COA1: variants seen among roughly 807,000 people sequenced by gnomAD.
The protein encoded by COA1 is cytochrome c oxidase assembly factor 1.
Under a neutral mutation model 16.0 loss-of-function variants are expected in COA1, and 13 were observed. The observed-to-expected ratio is 0.81, with a 90% CI of 0.53 to 1.29. The LOEUF is 1.29. COA1 is among the 50% of genes most tolerant of loss of function. The pLI is 0.00. For missense variants in COA1, 179 were observed against 177.0 expected (o/e 1.01, Z -0.06); for synonymous variants, 65 against 65.7 (o/e 0.99, Z 0.05).
At chr7:43,716,745 C>T (rs1563472134) in intron 1 of COA1, among the ~76,000 whole-genome samples, 1 of 152,146 alleles carries the variant, frequency 6.6e-6, no homozygotes, top group Admixed American at 6.5e-5. Flanking sequence ...GAGACTTTCA[C>T]GGCAGCCCCT....
intron 1 of COA1, among the ~76,000 whole-genome samples, chr7:43,681,720 G>C (rs906595524): frequency 2.0e-5 from 3 of 152,154 alleles, no homozygotes; most frequent in Admixed American, 6.5e-5. Flanking sequence ...GTACTAAGCA[G>C]GCAGTACAAC....
chr7:43,626,645 TAGGG>T (rs1213419040), intron 6 of COA1: 1 of 152,054 alleles, frequency 6.6e-6, no homozygotes, highest in South Asian at 2.1e-4. Flanking sequence ...TCTGAAAAAA[TAGGG>T]AGGAGGTGAC....
intron 6 of COA1, among the ~76,000 whole-genome samples, chr7:43,627,526 A>T (rs2153032841): frequency 6.6e-6 from 1 of 152,312 alleles, no homozygotes; most frequent in East Asian, 1.9e-4. Context: ...TAGATAGGAG[A>T]AAGATGACTA....
intron 1 of COA1, among the ~76,000 whole-genome samples, chr7:43,684,698 G>A (rs528701060): frequency 6.6e-6 from 1 of 152,238 alleles, no homozygotes; most frequent in African/African-American, 2.4e-5. Context: ...CCATCTTATA[G>A]CAAAGATTCA....
chr7:43,638,295 T>C (rs906604065), downstream of COA1, among the ~76,000 whole-genome samples: 1 of 152,006 alleles, frequency 6.6e-6, no homozygotes, highest in African/African-American at 2.4e-5. Flanking sequence ...AGCTCATGGC[T>C]GTCCTTCATT....
chr7:43,640,498 G>T, intron 5 of COA1, 75 bp downstream of exon 5: 1 of 1,028,716 alleles, frequency 9.7e-7, no homozygotes, highest in Non-Finnish European at 1.5e-6. Context: ...AACAACAAAT[G>T]AAAACGGAGT....
intron 1 of COA1, among the ~76,000 whole-genome samples, chr7:43,721,221 G>A (rs1249883484): frequency 1.3e-5 from 2 of 152,152 alleles, no homozygotes; most frequent in African/African-American, 4.8e-5. Context: ...TGCTTTACTA[G>A]TAACATTACA....
chr7:43,729,152 T>G (rs1345529028), intron 1 of COA1, among the ~76,000 whole-genome samples: 1 of 152,172 alleles, frequency 6.6e-6, no homozygotes, highest in Middle Eastern at 3.2e-3. Context: ...CAGTGTGCTG[T>G]TGGGGATGGT....
Position 43,645,389 on chromosome 7 carries a change from G to A in COA1, c.126C>T (p.Ser42=), listed in dbSNP as rs2088961045. 2 of 1,613,850 alleles carry A rather than the reference G, an allele frequency of 1.2e-6. No individual in the cohort carries two copies. Among genetic ancestry groups the A allele is most frequent in the East Asian group, 2.2e-5 (1 of 44,878 alleles). The change falls in exon 4 of 6, where the codon TCC becomes TCT. Residue 42 remains serine (S), a synonymous_variant. Transcript: ENST00000223336. ...CTGCCAACTTGTAATATAAAGCCCTGGAATGAAACTCTAAGGACGAAAGAC... is the reference window on the plus strand; with the variant it reads ...CTGCCAACTTGTAATATAAAGCCCTAGAATGAAACTCTAAGGACGAAAGAC... ...IVYYLIQKFH[S]RALYYKLAVE...
At chr7:43,644,817 G>GAGAGAGAGAGAGAGAGAGAGAGAC (rs1245137600) in intron 4 of COA1, among the ~76,000 whole-genome samples, 3,681 of 126,626 alleles carry the variant, frequency 0.029, 404 homozygotes, top group Non-Finnish European at 0.048. Flanking sequence ...GAGAGAGAGA[G>GAGAGAGAGAGAGAGAGAGAGAGAC]AGAGAGAGAG....
intron 6 of COA1, chr7:43,626,730 A>G (rs2084588011): frequency 6.6e-6 from 1 of 152,222 alleles, no homozygotes; most frequent in Non-Finnish European, 1.5e-5. Context: ...TTAAAATCAG[A>G]ATCATTTGGG....
At chr7:43,718,982 T>A (rs1416222142) in intron 1 of COA1, among the ~76,000 whole-genome samples, 1 of 151,878 alleles carries the variant, frequency 6.6e-6, no homozygotes, top group Admixed American at 6.6e-5. Context: ...CATTTTTTTT[T>A]TTTTTTTGAG....
At chr7:43,619,489 T>G in intron 6 of COA1, 1 of 1,371,658 alleles carries the variant, frequency 7.3e-7, no homozygotes, top group Non-Finnish European at 1.0e-6. Context: ...TGTTTACTGT[T>G]AAATTCCTCA....
chr7:43,723,280 G>T (rs1482125458), intron 1 of COA1, among the ~76,000 whole-genome samples: 2 of 152,190 alleles, frequency 1.3e-5, no homozygotes, highest in Non-Finnish European at 2.9e-5. Flanking sequence ...TCCCTGGGAG[G>T]TCACAGCTAT....
intron 1 of COA1, among the ~76,000 whole-genome samples, chr7:43,700,360 TA>T (rs1003135454): frequency 6.6e-6 from 1 of 151,958 alleles, no homozygotes; most frequent in African/African-American, 2.4e-5. Flanking sequence ...AAATTTTCTA[TA>T]ACAAAAGAAC....
intron 1 of COA1, among the ~76,000 whole-genome samples, chr7:43,659,506 A>G (rs1454250807): frequency 1.3e-5 from 2 of 152,148 alleles, no homozygotes; most frequent in Non-Finnish European, 2.9e-5. Context: ...CATGGAATGG[A>G]CTCTGATTCA....
chr7:43,689,093 A>T (rs1274274634), intron 1 of COA1, among the ~76,000 whole-genome samples: 1 of 152,218 alleles, frequency 6.6e-6, no homozygotes, highest in Non-Finnish European at 1.5e-5. Context: ...CAACCCAATA[A>T]GAAGTTATAT....
downstream of COA1, among the ~76,000 whole-genome samples, chr7:43,636,279 A>C (rs1219426988): frequency 6.6e-6 from 1 of 152,172 alleles, no homozygotes; most frequent in Non-Finnish European, 1.5e-5. Flanking sequence ...GGAGGTGAGA[A>C]TCTTCTAGTG....
intron 6 of COA1, among the ~76,000 whole-genome samples, chr7:43,616,508 C>T (rs962417304): frequency 2.6e-5 from 4 of 152,098 alleles, no homozygotes; most frequent in East Asian, 3.9e-4. Flanking sequence ...AGATTCTTCC[C>T]GTTCTCTGAA....
Sources: allele counts gnomAD v4.1 joint callset (sites outside exome capture counted in the v4.1 genomes callset), GRCh38; gene constraint gnomAD v4.1.1; transcripts MANE v1.5; gene names NCBI Gene and HGNC (gene_info 2026-07-23, HGNC 2026-07-21).